ERBIN: variants seen among roughly 807,000 people sequenced by gnomAD.
ERBIN encodes the protein densin-180-like protein.
ERBIN carries 60 observed loss-of-function variants against 158.4 expected under a neutral mutation model. The observed-to-expected ratio is 0.38, with a 90% confidence interval of 0.31 to 0.47. The LOEUF is 0.47. ERBIN is among the 20% of genes least tolerant of loss of function. The pLI is 0.99. For synonymous variants in ERBIN, 594 were observed against 557.2 expected, an observed-to-expected ratio of 1.07 and a Z score of -0.93; for missense variants, 1,610 against 1,648.0, an observed-to-expected ratio of 0.98 and a Z score of 0.40.
chr5:66,054,188 T>A lies in ERBIN; in HGVS notation c.2870T>A (p.Ile957Lys), dbSNP rs752258226. The change falls in exon 21 of 26, where the codon ATA becomes AAA. Residue 957 changes from isoleucine (I) to lysine (K), a missense_variant. By Grantham distance (102) the Ile-to-Lys change is moderately radical. Coordinates refer to ENST00000284037, the MANE Select transcript of ERBIN (RefSeq NM_001253697.2). ...DSNHNPEEPN[I>K]IRGPTSGPQS... ...AATCATAATCCCGAAGAGCCAAATATAATAAGAGGCCCCACAAGTGGCCCA... is the reference window on the plus strand; with the variant it reads ...AATCATAATCCCGAAGAGCCAAATAAAATAAGAGGCCCCACAAGTGGCCCA... 1.2e-6 allele frequency: 2 copies of A among 1,613,952 alleles called. No individual in the cohort carries two copies. Among genetic ancestry groups the A allele is most frequent in the Non-Finnish European group, 1.7e-6 (2 of 1,180,012 alleles).
chr5:66,051,894 CAAA>C (rs35074022), intron 20 of ERBIN, among the ~76,000 whole-genome samples: 4 of 138,772 alleles, frequency 2.9e-5, no homozygotes, highest in Admixed American at 7.1e-5. Flanking sequence ...GGCCTTGTCT[CAAA>C]AAAAAAAAAA....
intron 1 of ERBIN, among the ~76,000 whole-genome samples, chr5:65,940,189 C>T (rs532516996): frequency 3.3e-5 from 5 of 151,068 alleles, no homozygotes; most frequent in African/African-American, 1.2e-4. Flanking sequence ...GGGAGCGCCT[C>T]TGCCCCGCCG....
intron 15 of ERBIN, among the ~76,000 whole-genome samples, chr5:66,039,271 A>G (rs1239434138): frequency 1.3e-5 from 2 of 151,914 alleles, no homozygotes; most frequent in Admixed American, 1.3e-4. Flanking sequence ...AAATGATGAT[A>G]ATAGTTCTTT....
chr5:65,942,505 G>A (rs1243928645), intron 1 of ERBIN, among the ~76,000 whole-genome samples: 1 of 152,150 alleles, frequency 6.6e-6, no homozygotes, highest in Non-Finnish European at 1.5e-5. Flanking sequence ...TATTTTTTTA[G>A]TTTAGAAATA....
intron 1 of ERBIN, among the ~76,000 whole-genome samples, chr5:65,981,362 GAA>G (rs1341583950): frequency 2.0e-5 from 3 of 152,032 alleles, no homozygotes; most frequent in African/African-American, 4.8e-5. Context: ...TCTAAGGACA[GAA>G]AAAGAAATTC....
At chr5:66,002,400 G>C (rs1319486185) in intron 4 of ERBIN, among the ~76,000 whole-genome samples, 1 of 152,034 alleles carries the variant, frequency 6.6e-6, no homozygotes, top group Non-Finnish European at 1.5e-5. Context: ...TTTTCTTGTA[G>C]GGAAGACTGA....
At chr5:66,038,041 G>A (rs1757558525) in intron 14 of ERBIN, among the ~76,000 whole-genome samples, 1 of 152,140 alleles carries the variant, frequency 6.6e-6, no homozygotes, top group African/African-American at 2.4e-5. Context: ...ATATACAATG[G>A]AAAGGCTTAT....
chr5:66,062,170 C>G (rs986610215), intron 21 of ERBIN, among the ~76,000 whole-genome samples: 3 of 152,228 alleles, frequency 2.0e-5, no homozygotes, highest in African/African-American at 7.2e-5. Context: ...CCGTCACTTT[C>G]AGGTACACCA....
At chr5:65,973,243 G>A (rs1386050209) in intron 1 of ERBIN, among the ~76,000 whole-genome samples, 1 of 150,650 alleles carries the variant, frequency 6.6e-6, no homozygotes, top group African/African-American at 2.5e-5. Context: ...TCACACACTG[G>A]GGCCTGTTGT....
chr5:65,987,313 G>C (rs2062158377), intron 1 of ERBIN, among the ~76,000 whole-genome samples: 1 of 151,000 alleles, frequency 6.6e-6, no homozygotes, highest in Non-Finnish European at 1.5e-5. Flanking sequence ...TGAGTGGGAG[G>C]ATTGCTGAGC....
chr5:65,974,046 G>A (rs1427336959), intron 1 of ERBIN, among the ~76,000 whole-genome samples: 1 of 151,008 alleles, frequency 6.6e-6, no homozygotes, highest in Admixed American at 6.6e-5. Flanking sequence ...ACCAGCCTGG[G>A]CAACATAGCG....
Position 66,075,037 on chromosome 5 carries a change from A to T in ERBIN, c.3770A>T (p.Asn1257Ile). The change falls in exon 23 of 26, where the codon AAT becomes ATT. Residue 1257 changes from asparagine to isoleucine, a missense_variant. Asn to Ile is a moderately radical substitution (Grantham distance 149, BLOSUM62 -3). Transcript: ENST00000284037. ...PDSLMKMPLS[N>I]GQMGQPLRPQ... ...TGTTTTTCTTAGATGCCTTTGAGTA[A>T]TGGACAGATGGGCCAGCCTCTCAGG... 1 of 1,614,164 alleles carries T rather than the reference A, an allele frequency of 6.2e-7. No individual in the cohort carries two copies. Among genetic ancestry groups the T allele is most frequent in the Non-Finnish European group, 8.5e-7 (1 of 1,180,020 alleles).
intron 1 of ERBIN, among the ~76,000 whole-genome samples, chr5:65,986,873 T>G (rs2151030748): frequency 6.6e-6 from 1 of 152,244 alleles, no homozygotes; most frequent in East Asian, 1.9e-4. Flanking sequence ...TAATTCAGCA[T>G]TAATTGCTTA....
At chr5:66,075,416 CAT>C (rs559010350) in intron 23 of ERBIN, among the ~76,000 whole-genome samples, 186 bp downstream of exon 23, 95 of 152,222 alleles carry the variant, frequency 6.2e-4, no homozygotes, top group Non-Finnish European at 1.2e-3. Flanking sequence ...GATCATGTAA[CAT>C]AGGATTTAGT....
intron 1 of ERBIN, among the ~76,000 whole-genome samples, chr5:65,969,125 T>G (rs1234163908): frequency 6.6e-6 from 1 of 151,974 alleles, no homozygotes; most frequent in African/African-American, 2.4e-5. Flanking sequence ...TTCGGGAGGA[T>G]AAAGCAAAAA....
At chr5:65,944,132 C>A (rs549539649) in intron 1 of ERBIN, among the ~76,000 whole-genome samples, 1 of 151,880 alleles carries the variant, frequency 6.6e-6, no homozygotes, top group Non-Finnish European at 1.5e-5. Flanking sequence ...TCCTTGAGAC[C>A]CAGCTTTCAT....
At chr5:65,984,609 T>A (rs1751017528) in intron 1 of ERBIN, 1 of 152,458 alleles carries the variant, frequency 6.6e-6, no homozygotes, top group South Asian at 2.1e-4. Context: ...TGGACTTGGA[T>A]GCCCTGTGGG....
At chr5:66,058,910 C>G (rs906422490) in intron 21 of ERBIN, among the ~76,000 whole-genome samples, 1 of 152,170 alleles carries the variant, frequency 6.6e-6, no homozygotes, top group Non-Finnish European at 1.5e-5. Flanking sequence ...TGTTTTGGTA[C>G]CAGTACCGTG....
chr5:65,976,206 G>C (rs754185058), intron 1 of ERBIN, among the ~76,000 whole-genome samples: 1 of 152,182 alleles, frequency 6.6e-6, no homozygotes, highest in Non-Finnish European at 1.5e-5. Context: ...GGGCACAGTG[G>C]CTTACACCTA....
Sources: gnomAD v4.1 joint callset for allele counts (sites outside exome capture counted in the v4.1 genomes callset) on GRCh38, gnomAD v4.1.1 for gene constraint, MANE v1.5 for transcripts, NCBI Gene and HGNC (gene_info 2026-07-23, HGNC 2026-07-21) for gene names.